The following NCKAP5 variants were observed in gnomAD, a reference collection of about 807,000 sequenced individuals.
The protein encoded by NCKAP5 is NCK associated protein 5, also known as nck-associated protein 5.
In NCKAP5, 92 loss-of-function variants were observed where a neutral mutation model predicts 167.0. The observed-to-expected ratio is 0.55, with a 90% CI of 0.47 to 0.66. NCKAP5 has a LOEUF of 0.66. Among genes scored for constraint, NCKAP5 ranks in the 30% least tolerant of loss-of-function variants. NCKAP5 has a pLI of 0.00. For synonymous variants in NCKAP5, 891 were observed against 877.4 expected (o/e 1.02, Z -0.27); for missense variants, 2,378 against 2,315.0 (o/e 1.03, Z -0.56).
chr2:133,625,589 G>A, the NCKAP5 span, among the ~76,000 whole-genome samples: 4 of 152,228 alleles, frequency 2.6e-5, no homozygotes, highest in Non-Finnish European at 5.9e-5. Context: ...GGCCAAAGGT[G>A]AGAACAACTT....
At chr2:133,024,499 T>C (rs898834219) in intron 6 of NCKAP5, among the ~76,000 whole-genome samples, 5 of 152,222 alleles carry the variant, frequency 3.3e-5, no homozygotes, top group African/African-American at 1.2e-4. Flanking sequence ...TAACATATCT[T>C]TCATTAAAGA....
chr2:133,625,803 C>T, the NCKAP5 span, among the ~76,000 whole-genome samples: 1 of 146,484 alleles, frequency 6.8e-6, no homozygotes, highest in East Asian at 2.0e-4. Flanking sequence ...ACCTGGGAGG[C>T]GGAGCTTGCA....
the NCKAP5 span, among the ~76,000 whole-genome samples, chr2:133,583,827 C>T: frequency 2.2e-4 from 34 of 152,250 alleles, no homozygotes; most frequent in African/African-American, 8.2e-4. Flanking sequence ...GATCTCAGCT[C>T]ACTGCAAGCT....
intron 6 of NCKAP5, among the ~76,000 whole-genome samples, chr2:133,071,272 C>T (rs1273155039): frequency 1.3e-5 from 2 of 152,036 alleles, no homozygotes; most frequent in East Asian, 1.9e-4. Flanking sequence ...AGTGAAACCC[C>T]GTCTCTACTA....
At chr2:133,124,441 T>C (rs1168680034) in intron 6 of NCKAP5, among the ~76,000 whole-genome samples, 1 of 152,220 alleles carries the variant, frequency 6.6e-6, no homozygotes, top group Non-Finnish European at 1.5e-5. Flanking sequence ...TCAATTTTAA[T>C]TTAAATCTTC....
intron 16 of NCKAP5, among the ~76,000 whole-genome samples, chr2:132,754,671 C>A (rs940189116): frequency 6.6e-6 from 1 of 152,168 alleles, no homozygotes; most frequent in African/African-American, 2.4e-5. Context: ...TCTTTGCCAG[C>A]ATGTCAAGAA....
chr2:133,037,410 T>C (rs893584350), intron 6 of NCKAP5, among the ~76,000 whole-genome samples: 7 of 152,072 alleles, frequency 4.6e-5, no homozygotes, highest in Admixed American at 1.3e-4. Context: ...TACAGAGGTA[T>C]AGTAAACAAA....
intron 4 of NCKAP5, among the ~76,000 whole-genome samples, chr2:133,283,996 G>T (rs533025006): frequency 6.6e-6 from 1 of 152,072 alleles, no homozygotes; most frequent in Non-Finnish European, 1.5e-5. Context: ...TAGAGTGGCA[G>T]ACTCAAGAAC....
At chr2:133,466,006 T>C (rs934610223) in intron 3 of NCKAP5, among the ~76,000 whole-genome samples, 136 of 152,100 alleles carry the variant, frequency 8.9e-4, no homozygotes, top group African/African-American at 3.0e-3. Context: ...AGAAGTTCTT[T>C]AGTTTAATGA....
chr2:133,565,049 T>C (rs6719987), intron 1 of NCKAP5, among the ~76,000 whole-genome samples: 3,111 of 152,222 alleles, frequency 0.02, 98 homozygotes, highest in African/African-American at 0.071. Flanking sequence ...GTGACTGGGA[T>C]GTGAAAAGCT....
chr2:133,555,516 G>A (rs1687681910), intron 2 of NCKAP5, among the ~76,000 whole-genome samples: 1 of 152,220 alleles, frequency 6.6e-6, no homozygotes, highest in South Asian at 2.1e-4. Context: ...AGGACTTCCA[G>A]GGAAAAGAAT....
chr2:133,393,286 T>C (rs1341276663), intron 3 of NCKAP5, among the ~76,000 whole-genome samples: 1 of 152,222 alleles, frequency 6.6e-6, no homozygotes, highest in African/African-American at 2.4e-5. Flanking sequence ...TTTTGAGAAC[T>C]TGTTTGTTCT....
chr2:133,560,708 G>A (rs1420828834), intron 1 of NCKAP5, among the ~76,000 whole-genome samples: 3 of 152,152 alleles, frequency 2.0e-5, no homozygotes, highest in African/African-American at 7.2e-5. Context: ...AACATGACAC[G>A]CTCTCAGCTC....
At chr2:133,622,795 G>GA in the NCKAP5 span, among the ~76,000 whole-genome samples, 3 of 151,850 alleles carry the variant, frequency 2.0e-5, no homozygotes, top group Non-Finnish European at 2.9e-5. Flanking sequence ...CACAGAACTA[G>GA]AAAAAATCCT....
intron 19 of NCKAP5, among the ~76,000 whole-genome samples, chr2:132,688,384 T>C (rs1395160581): frequency 1.3e-5 from 2 of 152,182 alleles, no homozygotes; most frequent in Non-Finnish European, 2.9e-5. Context: ...AAATAACTTG[T>C]TATTCCACTG....
chr2:133,028,577 A>G (rs2149414128), intron 6 of NCKAP5, among the ~76,000 whole-genome samples: 1 of 152,356 alleles, frequency 6.6e-6, no homozygotes, highest in South Asian at 2.1e-4. Context: ...AGGTAGGAGT[A>G]CACTATTTAT....
chr2:133,444,485 G>A (rs904939232), intron 3 of NCKAP5, among the ~76,000 whole-genome samples: 1 of 152,160 alleles, frequency 6.6e-6, no homozygotes, highest in African/African-American at 2.4e-5. Context: ...TAATCTTTGA[G>A]AGGGAAGTTG....
the NCKAP5 span, among the ~76,000 whole-genome samples, chr2:133,657,555 C>T: frequency 1.3e-5 from 2 of 152,052 alleles, no homozygotes; most frequent in East Asian, 1.9e-4. Flanking sequence ...TCTACTTTCT[C>T]GGAAAAGTCA....
At chr2:133,156,158 A>T (rs1222571494) in intron 5 of NCKAP5, among the ~76,000 whole-genome samples, 1 of 152,150 alleles carries the variant, frequency 6.6e-6, no homozygotes, top group Non-Finnish European at 1.5e-5. Context: ...TCTATTTCCC[A>T]TTGGACTACT....
Sources: gnomAD v4.1 joint callset for allele counts (sites outside exome capture counted in the v4.1 genomes callset) on GRCh38, gnomAD v4.1.1 for gene constraint, MANE v1.5 for transcripts, NCBI Gene and HGNC (gene_info 2026-07-23, HGNC 2026-07-21) for gene names.